The following TAFA2 variants were observed in gnomAD, a reference collection of about 807,000 sequenced individuals.
TAFA2 encodes the protein chemokine-like protein TAFA-2.
TAFA2 carries 7 observed loss-of-function variants against 18.8 expected under a neutral mutation model. That is an observed-to-expected ratio of 0.37 (90% CI 0.21 to 0.70). The LOEUF (loss-of-function observed/expected upper bound fraction) is 0.70, where lower values mean the gene tolerates loss of function less well. Ranked by LOEUF, TAFA2 falls within the 30% of genes least tolerant of loss-of-function variation. The pLI is 0.53. For missense variants in TAFA2, 122 were observed against 158.1 expected (o/e 0.77, Z 1.23); for synonymous variants, 60 against 54.2 (o/e 1.11, Z -0.47).
intron 1 of TAFA2, among the ~76,000 whole-genome samples, chr12:62,216,229 C>T (rs1000830818): frequency 4.6e-5 from 7 of 152,172 alleles, no homozygotes; most frequent in Non-Finnish European, 1.0e-4. Flanking sequence ...ACTGCCATTG[C>T]TAATTGAATA....
intron 2 of TAFA2, among the ~76,000 whole-genome samples, chr12:61,832,745 T>C (rs1208645613): frequency 1.3e-5 from 2 of 151,998 alleles, no homozygotes; most frequent in African/African-American, 4.8e-5. Context: ...ATTCATGACA[T>C]AGGACTTATG....
At position 62,191,300 on chromosome 12, in the gene TAFA2, T is replaced by TC. The variant is rs1479349306; in HGVS notation, c.-44dup. 11 of 152,314 alleles carry TC rather than the reference T, an allele frequency of 7.2e-5. No homozygotes were observed. Among genetic ancestry groups the TC allele is most frequent in the Admixed American group, 1.3e-4 (2 of 15,304 alleles). The allele number at this position is 152,314 out of a possible 1,614,324, so 9.4% of individuals were successfully genotyped here. A position where few individuals can be genotyped will look rare whatever the true frequency, so the allele number is the denominator to read the frequency against. ...CGGTGGCGGCAACACCTAGCGATGC[T>TC]CCTGCAGCTTTTGCGGGCCGGCGCC... On this transcript the variant is annotated 5_prime_UTR_variant, in exon 1 of 5. The change abolishes the stop of an existing upstream ORF in the 5' untranslated region. Transcript: ENST00000416284.
At chr12:62,116,173 G>A (rs1304629804) in intron 1 of TAFA2, among the ~76,000 whole-genome samples, 1 of 152,102 alleles carries the variant, frequency 6.6e-6, no homozygotes, top group Admixed American at 6.6e-5. Flanking sequence ...CCACTTTGAA[G>A]GGACCTGAGA....
intron 1 of TAFA2, among the ~76,000 whole-genome samples, chr12:62,000,967 G>T (rs185711629): frequency 1.3e-5 from 2 of 152,274 alleles, no homozygotes; most frequent in African/African-American, 4.8e-5. Flanking sequence ...ATTTATAGAA[G>T]TAAAAAGCCA....
intron 1 of TAFA2, among the ~76,000 whole-genome samples, chr12:61,995,176 C>T (rs1368113485): frequency 6.6e-6 from 1 of 152,162 alleles, no homozygotes; most frequent in East Asian, 1.9e-4. Context: ...TCCTATGAGA[C>T]TTCAGTCATC....
intron 4 of TAFA2, among the ~76,000 whole-genome samples, chr12:61,740,714 A>AG (rs1442704821): frequency 6.6e-6 from 1 of 152,030 alleles, no homozygotes; most frequent in Non-Finnish European, 1.5e-5. Context: ...GCAAAAAAAA[A>AG]GTTTGTCACC....
intron 1 of TAFA2, among the ~76,000 whole-genome samples, chr12:62,177,594 A>C (rs146818555): frequency 6.6e-4 from 100 of 152,220 alleles, no homozygotes; most frequent in Middle Eastern, 3.4e-3. Context: ...CTGAACTTCA[A>C]ACCCAAATTT....
intron 1 of TAFA2, among the ~76,000 whole-genome samples, chr12:61,898,883 A>G (rs1875973810): frequency 6.6e-6 from 1 of 152,080 alleles, no homozygotes; most frequent in Admixed American, 6.5e-5. Context: ...ACTTTTCCAA[A>G]CGTTTTATGC....
intron 1 of TAFA2, among the ~76,000 whole-genome samples, chr12:61,984,191 T>C (rs1276416423): frequency 6.6e-6 from 1 of 152,232 alleles, no homozygotes; most frequent in African/African-American, 2.4e-5. Flanking sequence ...CTATCCCCAG[T>C]ATGTAGAACA....
chr12:62,035,854 G>A (rs1881593112), intron 1 of TAFA2, among the ~76,000 whole-genome samples: 1 of 143,746 alleles, frequency 7.0e-6, no homozygotes, highest in Admixed American at 7.5e-5. Context: ...CCATTCTCCT[G>A]CCTCAGCCTC....
intron 1 of TAFA2, among the ~76,000 whole-genome samples, chr12:61,867,812 T>G (rs1283016455): frequency 2.0e-5 from 3 of 152,204 alleles, no homozygotes; most frequent in Non-Finnish European, 2.9e-5. Context: ...TCCTAACAAT[T>G]GCCAAGTCAA....
At chr12:61,896,425 T>C (rs999455758) in intron 1 of TAFA2, among the ~76,000 whole-genome samples, 47 of 152,212 alleles carry the variant, frequency 3.1e-4, no homozygotes, top group African/African-American at 1.1e-3. Context: ...ACCCAGGGAT[T>C]CCATAGATTG....
intron 1 of TAFA2, among the ~76,000 whole-genome samples, chr12:62,230,762 C>G (rs2062808890): frequency 6.6e-6 from 1 of 152,184 alleles, no homozygotes; most frequent in Non-Finnish European, 1.5e-5. Context: ...AGTGTAACTT[C>G]AACCTCTAGG....
chr12:61,844,512 ATTAAGGTC>A (rs1243342902), intron 2 of TAFA2, among the ~76,000 whole-genome samples: 2 of 152,138 alleles, frequency 1.3e-5, no homozygotes, highest in Non-Finnish European at 2.9e-5. Flanking sequence ...TATTGCCAAG[ATTAAGGTC>A]TTAGTTATTT....
intron 1 of TAFA2, among the ~76,000 whole-genome samples, chr12:62,034,214 A>T (rs965816521): frequency 3.9e-5 from 6 of 152,102 alleles, no homozygotes; most frequent in Non-Finnish European, 5.9e-5. Context: ...GTTTTATATT[A>T]CCAAGCAATG....
chr12:61,722,617 T>G (rs781060633), intron 4 of TAFA2, among the ~76,000 whole-genome samples: 1 of 152,206 alleles, frequency 6.6e-6, no homozygotes, highest in Non-Finnish European at 1.5e-5. Context: ...TCTACACATT[T>G]CCAATCCTCC....
At chr12:62,223,723 T>C (rs1167815867) in intron 1 of TAFA2, among the ~76,000 whole-genome samples, 1 of 152,234 alleles carries the variant, frequency 6.6e-6, no homozygotes, top group Non-Finnish European at 1.5e-5. Context: ...TGGCAATGAT[T>C]TCTTGGATAT....
chr12:61,955,651 A>ATATATG (rs1555178816), intron 1 of TAFA2, among the ~76,000 whole-genome samples: 2 of 88,906 alleles, frequency 2.2e-5, no homozygotes, highest in African/African-American at 7.1e-5. Context: ...ATATATATAT[A>ATATATG]TATATATATA....
chr12:61,854,995 G>A lies in TAFA2; in HGVS notation c.106+12325C>T, dbSNP rs976667965. 2.0e-5 allele frequency among the ~76,000 whole-genome samples: 3 copies of A among 152,300 alleles called. No individual in the cohort carries two copies. In the East Asian group the frequency reaches 5.8e-4, roughly 29 times the overall value. ...GGATGAAGTATGTACACCAGATGCA[G>A]AGGAAAACCAATCCAGACCAGAGCA... On this transcript the variant is annotated intron_variant, in intron 2 of 4. Coordinates refer to ENST00000416284, the MANE Select transcript of TAFA2 (RefSeq NM_178539.5).
Sources: gnomAD v4.1 joint callset for allele counts (sites outside exome capture counted in the v4.1 genomes callset) on GRCh38, gnomAD v4.1.1 for gene constraint, MANE v1.5 for transcripts, NCBI Gene and HGNC (gene_info 2026-07-23, HGNC 2026-07-21) for gene names.